Variants in TYW1B observed in about 807,000 individuals in gnomAD.
TYW1B encodes the protein tRNA-yW synthesizing protein 1 homolog B.
A neutral mutation model predicts 86.9 loss-of-function variants in TYW1B; 73 were observed. That is an observed-to-expected ratio of 0.84 (90% confidence interval 0.70 to 1.02). The LOEUF is 1.02. TYW1B is among the 50% of genes least tolerant of loss of function. The pLI is 0.00. For missense variants in TYW1B, 637 were observed against 827.4 expected (o/e 0.77, Z 2.82); for synonymous variants, 248 against 292.8 (o/e 0.85, Z 1.56).
At chr7:72,770,722 A>G (rs1787852477) in intron 7 of TYW1B, among the ~76,000 whole-genome samples, 1 of 152,134 alleles carries the variant, frequency 6.6e-6, no homozygotes, top group African/African-American at 2.4e-5. Flanking sequence ...TGAAGAATGC[A>G]CATAGTACTT....
intron 11 of TYW1B, among the ~76,000 whole-genome samples, chr7:72,658,545 G>T (rs1448053577): frequency 3.3e-5 from 5 of 151,966 alleles, no homozygotes; most frequent in Non-Finnish European, 7.4e-5. Context: ...AGGAAATGGG[G>T]GTCCAACCAG....
At chr7:72,585,752 T>C (rs563838410) in intron 13 of TYW1B, among the ~76,000 whole-genome samples, 1 of 152,332 alleles carries the variant, frequency 6.6e-6, no homozygotes, top group Middle Eastern at 3.4e-3. Context: ...ATGATTGTGA[T>C]GCCACCCCAG....
intron 11 of TYW1B, among the ~76,000 whole-genome samples, chr7:72,637,328 A>C (rs1812693932): frequency 1.3e-5 from 2 of 151,778 alleles, no homozygotes; most frequent in African/African-American, 4.8e-5. Flanking sequence ...AACAATTATA[A>C]GTCCATGTAG....
intron 9 of TYW1B, among the ~76,000 whole-genome samples, chr7:72,722,314 T>C (rs1554457706): frequency 6.6e-6 from 1 of 152,216 alleles, no homozygotes; most frequent in African/African-American, 2.4e-5. Context: ...ATGAGGTCTT[T>C]TTCATCTTTG....
chr7:72,827,179 G>A (rs575555682), intron 1 of TYW1B, among the ~76,000 whole-genome samples, 194 bp from the exon 2 acceptor site: 87 of 152,106 alleles, frequency 5.7e-4, no homozygotes, highest in African/African-American at 2.0e-3. Flanking sequence ...TGGCTGAGGC[G>A]GGCAGATCAC....
chr7:72,632,285 G>GTATATATATATATATATATATTTTA (rs1239640717), intron 11 of TYW1B, among the ~76,000 whole-genome samples: 3 of 83,568 alleles, frequency 3.6e-5, no homozygotes, highest in African/African-American at 1.4e-4. Context: ...ATATATACGT[G>GTATATATATATATATATATATTTTA]TATATATATA....
rs577621973 is a variant in TYW1B at position 72,585,674 on chromosome 7, G to A, written c.1786-9955C>T. Among the ~76,000 whole-genome samples, 186 of 152,250 alleles carry A rather than the reference G, an allele frequency of 1.2e-3. 5 individuals are homozygous for A. In the South Asian group the frequency reaches 0.038, roughly 31 times the overall value. On this transcript the variant is annotated intron_variant, in intron 13 of 13. Coordinates refer to ENST00000620995, the MANE Select transcript of TYW1B (RefSeq NM_001145440.3). ...ACAAGATCTGATGGTTTTACGAAGG[G>A]GGGTTTCCCTGCACAAGTTCTCTTC... is the stretch of plus-strand genomic sequence containing the variant.
intron 13 of TYW1B, among the ~76,000 whole-genome samples, chr7:72,590,770 C>A (rs1207013074): frequency 6.6e-6 from 1 of 152,100 alleles, no homozygotes; most frequent in African/African-American, 2.4e-5. Flanking sequence ...GTCCAGTTTT[C>A]AACAAGAAAA....
At chr7:72,580,537 C>T (rs1554429452) in intron 13 of TYW1B, among the ~76,000 whole-genome samples, 2 of 152,152 alleles carry the variant, frequency 1.3e-5, no homozygotes, top group African/African-American at 4.8e-5. Flanking sequence ...TAAAGCCAGG[C>T]TGCTAAGGGT....
intron 6 of TYW1B, among the ~76,000 whole-genome samples, chr7:72,796,923 C>G (rs1788315172): frequency 6.7e-6 from 1 of 148,980 alleles, no homozygotes; most frequent in African/African-American, 2.5e-5. Context: ...CCCGCCTCAG[C>G]CTCCTGAGTA....
At chr7:72,722,042 C>T (rs532937801) in intron 9 of TYW1B, among the ~76,000 whole-genome samples, 2 of 152,106 alleles carry the variant, frequency 1.3e-5, no homozygotes, top group Non-Finnish European at 2.9e-5. Context: ...AATGCAGTTC[C>T]GGGCCAAAAA....
At chr7:72,768,448 G>T (rs1787810404) in intron 7 of TYW1B, among the ~76,000 whole-genome samples, 1 of 151,906 alleles carries the variant, frequency 6.6e-6, no homozygotes, top group South Asian at 2.1e-4. Context: ...AGTGAAAAAA[G>T]AAACTGAATT....
intron 6 of TYW1B, among the ~76,000 whole-genome samples, chr7:72,794,438 C>T (rs1231719864): frequency 6.6e-6 from 1 of 151,942 alleles, no homozygotes. Flanking sequence ...CACCTGTAAT[C>T]GCAGCTACTC....
chr7:72,828,126 G>C lies in TYW1B; in HGVS notation c.-51C>G. On this transcript the variant is annotated 5_prime_UTR_variant, in exon 1 of 14. Coordinates refer to ENST00000620995, the MANE Select transcript of TYW1B (RefSeq NM_001145440.3). ...GGATCTCGGACCTGGAGAGCCCAAA[G>C]GTTCGCACTGGTACTGCGAGACGCA... 1.2e-6 allele frequency: 2 copies of C among 1,611,394 alleles called. No homozygotes were observed. The highest frequency in any genetic ancestry group is 1.7e-6 in the Non-Finnish European group (2 of 1,178,944).
Position 72,790,649 on chromosome 7 carries a change from A to T in TYW1B, c.846+11751T>A, listed in dbSNP as rs3973844. On this transcript the variant is annotated intron_variant, in intron 6 of 13. Coordinates refer to ENST00000620995, the MANE Select transcript of TYW1B (RefSeq NM_001145440.3). ...GCTGCCAGACCCTGTACACAACTCA[A>T]CTTCTGTTGTGTGACCAGTTCATGG... 9.9e-5 allele frequency among the ~76,000 whole-genome samples: 15 copies of T among 152,028 alleles called. No homozygotes were observed. In the South Asian group the frequency reaches 3.1e-3, roughly 32 times the overall value.
chr7:72,592,221 T>C (rs1266134077), intron 13 of TYW1B, among the ~76,000 whole-genome samples: 2 of 149,196 alleles, frequency 1.3e-5, no homozygotes, highest in African/African-American at 2.5e-5. Context: ...GCACACAATG[T>C]ATCAAAAAGG....
intron 11 of TYW1B, among the ~76,000 whole-genome samples, chr7:72,636,837 T>C (rs1482968454): frequency 3.3e-5 from 5 of 152,224 alleles, no homozygotes; most frequent in Non-Finnish European, 7.3e-5. Flanking sequence ...TCTATGCTTA[T>C]GAGTAAAAAT....
chr7:72,685,418 T>TG (rs1813986685), intron 11 of TYW1B, among the ~76,000 whole-genome samples: 1 of 152,194 alleles, frequency 6.6e-6, no homozygotes, highest in African/African-American at 2.4e-5. Flanking sequence ...AATCCAACTA[T>TG]ATCAGATCCC....
rs782805755 is a variant in TYW1B at position 72,628,962 on chromosome 7, T to C, written c.1542A>G (p.Lys514=). The C allele has an allele frequency of 1.3e-6, 2 of 1,583,358 alleles. No individual in the cohort carries two copies. The highest frequency in any genetic ancestry group is 1.7e-6 in the Non-Finnish European group (2 of 1,165,130). ...CCTGGAGCTCGTCCACGTTCCATGC[T>C]TTCACGAGCATCAGTCTGTAGACAG... ...QRTVYRLMLV[K]AWNVDELQAY... The change falls in exon 12 of 14, where the codon AAA becomes AAG. Residue 514 remains lysine, a synonymous_variant. Transcript: ENST00000620995.
Sources: gnomAD v4.1 joint callset for allele counts (sites outside exome capture counted in the v4.1 genomes callset) on GRCh38, gnomAD v4.1.1 for gene constraint, MANE v1.5 for transcripts, NCBI Gene and HGNC (gene_info 2026-07-23, HGNC 2026-07-21) for gene names.